The following ZNF831 variants were observed in gnomAD, a reference collection of about 807,000 sequenced individuals.
ZNF831 encodes the protein chromosome 20 open reading frame 174.
ZNF831 carries 59 observed loss-of-function variants against 95.8 expected under a neutral mutation model. The ratio of observed to expected loss-of-function variants is 0.62; its 90% CI spans 0.50 to 0.77. The LOEUF is 0.77. Among genes scored for constraint, ZNF831 ranks in the 30% least tolerant of loss-of-function variants. The pLI, the probability that ZNF831 is intolerant of heterozygous loss-of-function variation, is 0.00. For synonymous variants in ZNF831, 961 were observed against 925.5 expected, an observed-to-expected ratio of 1.04 and a Z score of -0.70; for missense variants, 2,205 against 2,164.0, an observed-to-expected ratio of 1.02 and a Z score of -0.38.
At chr20:59,131,093 G>T (rs769379853) in intron 1 of ZNF831, among the ~76,000 whole-genome samples, 1 of 152,152 alleles carries the variant, frequency 6.6e-6, no homozygotes, top group Non-Finnish European at 1.5e-5. Flanking sequence ...TCTTTTGTGG[G>T]CAAGGTTGAA....
At chr20:59,167,632 AG>A (rs1981387390) in intron 1 of ZNF831, among the ~76,000 whole-genome samples, 1 of 152,058 alleles carries the variant, frequency 6.6e-6, no homozygotes, top group Non-Finnish European at 1.5e-5. Flanking sequence ...TTTCTATATA[AG>A]TAAGATGTGA....
chr20:59,183,394 G>T (rs1601348695), intron 1 of ZNF831, among the ~76,000 whole-genome samples: 1 of 152,212 alleles, frequency 6.6e-6, no homozygotes, highest in Admixed American at 6.5e-5. Flanking sequence ...TGTAAGTTAG[G>T]CAGGTGCTTT....
chr20:59,247,314 AT>A (rs1265158286), intron 4 of ZNF831, among the ~76,000 whole-genome samples: 5 of 151,996 alleles, frequency 3.3e-5, no homozygotes, highest in Non-Finnish European at 5.9e-5. Context: ...TATTTACTAT[AT>A]TTGCTTGGTG....
chr20:59,211,065 A>AAAAAAAAAAAAAAAAAAAAAAAAAC (rs753979009), intron 4 of ZNF831, among the ~76,000 whole-genome samples: 1 of 77,548 alleles, frequency 1.3e-5, no homozygotes, highest in African/African-American at 8.0e-5. Flanking sequence ...AAAAAAAAAA[A>AAAAAAAAAAAAAAAAAAAAAAAAAC]CAAATCCAAG....
At chr20:59,251,819 A>G (rs7264236) in intron 4 of ZNF831, among the ~76,000 whole-genome samples, 3,896 of 152,336 alleles carry the variant, frequency 0.026, 160 homozygotes, top group African/African-American at 0.089. Flanking sequence ...AATCGTCATT[A>G]ATCCCAGGGA....
At chr20:59,186,629 C>G (rs1379406344) in intron 1 of ZNF831, among the ~76,000 whole-genome samples, 2 of 152,132 alleles carry the variant, frequency 1.3e-5, no homozygotes, top group Non-Finnish European at 1.5e-5. Flanking sequence ...TGGGGAGGTT[C>G]CTGAAATTCT....
At chr20:59,162,216 T>C (rs1424227017), upstream of ZNF831, among the ~76,000 whole-genome samples, 1 of 152,222 alleles carries the variant, frequency 6.6e-6, no homozygotes, top group Non-Finnish European at 1.5e-5. Flanking sequence ...CTGTTTACAT[T>C]GTTGATTATT....
chr20:59,194,755 A>G lies in ZNF831; in HGVS notation c.3736A>G (p.Lys1246Glu). 2 of 1,552,008 alleles carry G rather than the reference A, an allele frequency of 1.3e-6. No individual in the cohort carries two copies. Among genetic ancestry groups the G allele is most frequent in the South Asian group, 1.2e-5 (1 of 80,604 alleles). ...PGEGGPAQMSKFSYPTVPGVM... is the reference protein window; with the variant it reads ...PGEGGPAQMSEFSYPTVPGVM... ...AGAAGGAGGGCCGGCGCAGATGTCC[A>G]AGGTAAAGCTGGGCTTTGCCCCAGG... The change falls in exon 2 of 6, where the codon AAG (lysine) becomes GAG (glutamate). Residue 1246 changes from lysine (K) to glutamate (E), a missense_variant and splice_region_variant. By Grantham distance (56) the Lys-to-Glu change is moderately conservative. Coordinates refer to ENST00000371030, the MANE Select transcript of ZNF831 (RefSeq NM_178457.3).
chr20:59,132,386 C>A (rs1171514801), intron 1 of ZNF831, among the ~76,000 whole-genome samples: 1 of 146,212 alleles, frequency 6.8e-6, no homozygotes. Flanking sequence ...GAAAAATTTT[C>A]TAGACGATTA....
chr20:59,192,212 A>AGCTGGAGAAGAAGCG lies in ZNF831; in HGVS notation c.1201_1215dup (p.Lys401_Glu405dup). 6.3e-7 allele frequency: 1 copy of AGCTGGAGAAGAAGCG among 1,587,000 alleles called. No homozygotes were observed. The stretch of plus-strand genomic sequence containing the variant: ...CCCGGGGCGCGAGAAGCCGGCCTGG[A>AGCTGGAGAAGAAGCG]GCTGGAGAAGAAGCGGCTGGAGGAG... On this transcript the variant is annotated inframe_insertion, in exon 2 of 6. Transcript: ENST00000371030. This position sits in a 1 kb window ranked among gnomAD's most constrained non-coding sequence, Gnocchi z 5.2.
intron 4 of ZNF831, among the ~76,000 whole-genome samples, chr20:59,211,553 G>A (rs1328662339): frequency 6.6e-6 from 1 of 152,156 alleles, no homozygotes; most frequent in Non-Finnish European, 1.5e-5. Flanking sequence ...AAATCAAAGG[G>A]GCACAGGGGT....
intron 2 of ZNF831, chr20:59,146,783 G>T (rs1979891269): frequency 6.6e-6 from 1 of 152,192 alleles, no homozygotes; most frequent in Non-Finnish European, 1.5e-5. Flanking sequence ...TGTTTCCCTG[G>T]TGGCCCCAAG....
intron 3 of ZNF831, among the ~76,000 whole-genome samples, chr20:59,205,297 G>A (rs1984814480): frequency 6.6e-6 from 1 of 152,062 alleles, no homozygotes; most frequent in East Asian, 1.9e-4. Context: ...TTGGTTCAGG[G>A]GTTTGTCGCT....
chr20:59,201,723 CTATT>C (rs1207317522), intron 3 of ZNF831, among the ~76,000 whole-genome samples: 3 of 152,038 alleles, frequency 2.0e-5, no homozygotes, highest in African/African-American at 7.2e-5. Flanking sequence ...ATTTGTTGAT[CTATT>C]TGTCTATTTC....
chr20:59,165,585 G>T lies in ZNF831; in HGVS notation c.-37+1378G>T, dbSNP rs1319213197. Among the ~76,000 whole-genome samples the T allele has an allele frequency of 2.0e-5, 3 of 152,166 alleles. No individual in the cohort carries two copies. The East Asian group carries it at 5.8e-4, about 29-fold the overall frequency. ...TTTACCCACCATGCTGCCTGTCTGG[G>T]TGTGGCATGGCAGGGAAGGCTGAGT... On this transcript the variant is annotated intron_variant, in intron 1 of 5. Coordinates refer to ENST00000371030, the MANE Select transcript of ZNF831 (RefSeq NM_178457.3).
rs1014228194 is a variant in ZNF831 at position 59,193,085 on chromosome 20, C to T, written c.2066C>T (p.Thr689Met). Residue 689 changes from threonine to methionine, a missense_variant, in exon 2 of 6, where the codon ACG becomes ATG. Coordinates refer to ENST00000371030, the MANE Select transcript of ZNF831 (RefSeq NM_178457.3). Reference sequence around the variant, plus strand: ...CATGAGGACATATCCGCAGGGGCAACGCCAGAGCCTTGGGGAAATCCACCA... The same window carrying T: ...CATGAGGACATATCCGCAGGGGCAATGCCAGAGCCTTGGGGAAATCCACCA... ...PVHEDISAGA[T>M]PEPWGNPPAL... 5 of 1,598,364 alleles carry T rather than the reference C, an allele frequency of 3.1e-6. No individual in the cohort carries two copies. Among genetic ancestry groups the T allele is most frequent in the African/African-American group, 1.3e-5 (1 of 74,602 alleles).
At chr20:59,198,092 G>A (rs887675962) in intron 3 of ZNF831, among the ~76,000 whole-genome samples, 2 of 152,110 alleles carry the variant, frequency 1.3e-5, no homozygotes, top group African/African-American at 4.8e-5. Context: ...TACCTGCTGT[G>A]TGCCTGGTGC....
In ZNF831 at chr20:59,225,131, T is replaced by C. The variant is rs568138167; in HGVS notation, c.4027+18075T>C. On this transcript the variant is annotated intron_variant, in intron 4 of 5. Transcript: ENST00000371030. The stretch of plus-strand genomic sequence containing the variant: ...TATTCCATTATAGGTTCAATGCATG[T>C]ATATTTTTTTTAACTTAAGAAATGG... 1.4e-4 allele frequency among the ~76,000 whole-genome samples: 21 copies of C among 152,328 alleles called. No individual in the cohort carries two copies. In the South Asian group the frequency reaches 4.3e-3, roughly 32 times the overall value.
At chr20:59,183,737 A>G (rs1033699101) in intron 1 of ZNF831, among the ~76,000 whole-genome samples, 1 of 152,212 alleles carries the variant, frequency 6.6e-6, no homozygotes, top group African/African-American at 2.4e-5. Context: ...AAGTTAATAG[A>G]CAATTTTTAA....
Sources: allele counts gnomAD v4.1 joint callset (sites outside exome capture counted in the v4.1 genomes callset), GRCh38; gene constraint gnomAD v4.1.1; non-coding constraint Gnocchi (gnomAD v3.1); transcripts MANE v1.5; gene names NCBI Gene and HGNC (gene_info 2026-07-23, HGNC 2026-07-21).